The following SCAF4 variants were observed in gnomAD, a reference collection of about 807,000 sequenced individuals.
SCAF4 encodes the protein SR-related and CTD-associated factor 4.
Under a neutral mutation model 129.8 loss-of-function variants are expected in SCAF4, and 25 were observed. The observed-to-expected ratio is 0.19, with a 90% CI of 0.14 to 0.27. The LOEUF is 0.27. Ranked by LOEUF, SCAF4 falls within the 10% of genes least tolerant of loss-of-function variation. The pLI is 1.00. For synonymous variants in SCAF4, 551 were observed against 497.7 expected, an observed-to-expected ratio of 1.11 and a Z score of -1.43; for missense variants, 1,246 against 1,457.1, an observed-to-expected ratio of 0.86 and a Z score of 2.36.
chr21:31,706,176 G>A, intron 2 of SCAF4, 98 bp downstream of exon 2: 2 of 782,356 alleles, frequency 2.6e-6, no homozygotes, highest in East Asian at 2.7e-5. Flanking sequence ...TTTGATTTAG[G>A]CCTGAACTAA....
intron 10 of SCAF4, 61 bp downstream of exon 10, chr21:31,694,751 GA>G: frequency 6.7e-7 from 1 of 1,492,810 alleles, no homozygotes; most frequent in South Asian, 1.1e-5. Flanking sequence ...CAAATAAGGA[GA>G]AATCTGCATA....
Position 31,731,594 on chromosome 21 carries a change from G to C in SCAF4, c.30+69C>G, listed in dbSNP as rs2051360672. On this transcript the variant is annotated intron_variant, in intron 1 of 19. Coordinates refer to ENST00000286835, the MANE Select transcript of SCAF4 (RefSeq NM_020706.2). Reference sequence around the variant, plus strand: ...ACCCGGACCAAAGCTTTAAACCTCCGGCGGCGGGAGAAACGAGCCCCGGCT... The same window carrying C: ...ACCCGGACCAAAGCTTTAAACCTCCCGCGGCGGGAGAAACGAGCCCCGGCT... The C allele has an allele frequency of 3.2e-6, 5 of 1,543,406 alleles. No homozygotes were observed. In the South Asian group the frequency reaches 5.7e-5, roughly 17 times the overall value.
chr21:31,686,779 CAT>C (rs1018078027), intron 16 of SCAF4, among the ~76,000 whole-genome samples: 3 of 152,134 alleles, frequency 2.0e-5, no homozygotes, highest in Admixed American at 6.5e-5. Flanking sequence ...GTGAAATGCA[CAT>C]GTCAGGGATC....
intron 1 of SCAF4, among the ~76,000 whole-genome samples, chr21:31,722,692 A>C (rs1224626040): frequency 6.6e-6 from 1 of 152,042 alleles, no homozygotes; most frequent in African/African-American, 2.4e-5. Flanking sequence ...GTGGTGGCTC[A>C]CGCCTGTAAT....
chr21:31,686,636 C>T (rs1010892923), intron 16 of SCAF4, among the ~76,000 whole-genome samples: 15 of 152,026 alleles, frequency 9.9e-5, no homozygotes, highest in Non-Finnish European at 1.8e-4. Flanking sequence ...CCCCCAGCCA[C>T]GGACCATTAC....
At chr21:31,687,250 T>C (rs1204267138) in intron 16 of SCAF4, among the ~76,000 whole-genome samples, 6 of 152,190 alleles carry the variant, frequency 3.9e-5, no homozygotes. Context: ...TTCTTATAAT[T>C]TTCAAAGGGT....
chr21:31,704,963 T>C (rs2123600072), intron 3 of SCAF4, among the ~76,000 whole-genome samples: 1 of 152,330 alleles, frequency 6.6e-6, no homozygotes, highest in Non-Finnish European at 1.5e-5. Context: ...GATGTCTCAG[T>C]CTCTGTTTTC....
intron 1 of SCAF4, among the ~76,000 whole-genome samples, chr21:31,714,618 T>A (rs1048031473): frequency 3.9e-5 from 6 of 152,204 alleles, no homozygotes; most frequent in African/African-American, 1.4e-4. Flanking sequence ...AACGAGGGTA[T>A]CTGGCCTGTG....
At chr21:31,706,477 G>GA (rs1177396036) in intron 1 of SCAF4, 120 bp from the exon 2 acceptor site, 3 of 670,848 alleles carry the variant, frequency 4.5e-6, no homozygotes, top group East Asian at 5.5e-5. Context: ...GTGGTGAGGG[G>GA]GGTCTTAGCA....
Position 31,691,766 on chromosome 21 carries a change from C to A in SCAF4, c.1728+51G>T, listed in dbSNP as rs752980378. The A allele has an allele frequency of 2.3e-6, 2 of 858,728 alleles. No homozygotes were observed. Among genetic ancestry groups the A allele is most frequent in the Non-Finnish European group, 3.5e-6 (2 of 577,824 alleles). The allele number at this position is 858,728 out of a possible 1,614,324, so 53.2% of individuals were successfully genotyped here. A position where few individuals can be genotyped will look rare whatever the true frequency, so the allele number is the denominator to read the frequency against. The stretch of plus-strand genomic sequence containing the variant: ...TAGTTTTTATATGCCACATATTTTT[C>A]CCCTTCTGCCTATTTAAAAAAAAAA... On this transcript the variant is annotated intron_variant, in intron 14 of 19. Transcript: ENST00000286835.
chr21:31,677,540 G>C (rs759138276), intron 19 of SCAF4, among the ~76,000 whole-genome samples: 1 of 152,032 alleles, frequency 6.6e-6, no homozygotes, highest in African/African-American at 2.4e-5. Context: ...TCCAATGAAA[G>C]CACTTTTCTC....
intron 16 of SCAF4, among the ~76,000 whole-genome samples, chr21:31,688,031 G>A (rs1343348202): frequency 7.1e-6 from 1 of 140,512 alleles, no homozygotes; most frequent in East Asian, 2.2e-4. Context: ...CAAGAGGGTC[G>A]GCTTGAATCT....
Position 31,706,724 on chromosome 21 carries a change from A to C in SCAF4, c.31-367T>G, listed in dbSNP as rs1352525992. The C allele has an allele frequency of 8.7e-6, 2 of 230,696 alleles. 1 individual carries two copies. Among genetic ancestry groups the C allele is most frequent in the Non-Finnish European group, 1.7e-5 (2 of 115,096 alleles). The allele number at this position is 230,696 out of a possible 1,614,324, so 14.3% of individuals were successfully genotyped here. ...AATCCTTAGACAAAGATGTGCAAAC[A>C]AAAGGGAAAGGGAGGGGGAGCAAAG... On this transcript the variant is annotated intron_variant, in intron 1 of 19. Coordinates refer to ENST00000286835, the MANE Select transcript of SCAF4 (RefSeq NM_020706.2).
At chr21:31,676,680 G>C (rs2049864091) in intron 19 of SCAF4, among the ~76,000 whole-genome samples, 1 of 152,098 alleles carries the variant, frequency 6.6e-6, no homozygotes, top group African/African-American at 2.4e-5. Flanking sequence ...TAGTTGTTTT[G>C]TTTGGTAATT....
intron 19 of SCAF4, among the ~76,000 whole-genome samples, chr21:31,683,055 T>C (rs2050032316): frequency 6.6e-6 from 1 of 152,240 alleles, no homozygotes; most frequent in Admixed American, 6.5e-5. Flanking sequence ...ACAAAATTGT[T>C]TTCACTTTTC....
rs531053001 is a variant in SCAF4, at chr21:31,727,897, A to G, written c.30+3766T>C. 3.8e-4 allele frequency among the ~76,000 whole-genome samples: 57 copies of G among 148,068 alleles called. 1 individual carries two copies. Among genetic ancestry groups the G allele is most frequent in the Middle Eastern group, 3.4e-3 (1 of 292 alleles). On this transcript the variant is annotated intron_variant, in intron 1 of 19. Coordinates refer to ENST00000286835, the MANE Select transcript of SCAF4 (RefSeq NM_020706.2). ...CAACAGACACCATTAAGTATTAGCC[A>G]TAATTGATAACTGATACTTTTTCAC...
rs772202594 is a variant in SCAF4, at chr21:31,671,515, C to G, written c.3328G>C (p.Glu1110Gln). 3 of 1,614,082 alleles carry G rather than the reference C, an allele frequency of 1.9e-6. No individual in the cohort carries two copies. The highest frequency in any genetic ancestry group is 1.3e-5 in the African/African-American group (1 of 74,936). Residue 1110 changes from glutamate to glutamine, a missense_variant, in exon 20 of 20, where the codon GAG becomes CAG. Coordinates refer to ENST00000286835, the MANE Select transcript of SCAF4 (RefSeq NM_020706.2). ...ACTGCAGCCTCAGACACCCCCTTCT[C>G]AAGTTCTGAAGCAGTGTCTACATTT... ...VGNVDTASEL[E>Q]KGVSEAAVLK...
intron 7 of SCAF4, chr21:31,700,760 C>G (rs1239107204): frequency 2.9e-5 from 5 of 171,604 alleles, no homozygotes; most frequent in East Asian, 1.2e-4. Context: ...TTTTTTTTCA[C>G]TTTTTTAATT....
At chr21:31,698,028 C>G (rs1454179664) in intron 7 of SCAF4, among the ~76,000 whole-genome samples, 1 of 152,130 alleles carries the variant, frequency 6.6e-6, no homozygotes, top group African/African-American at 2.4e-5. Flanking sequence ...ACAGGACAGT[C>G]TGTAAGTAAT....
Sources: allele counts gnomAD v4.1 joint callset (sites outside exome capture counted in the v4.1 genomes callset), GRCh38; gene constraint gnomAD v4.1.1; transcripts MANE v1.5; gene names NCBI Gene and HGNC (gene_info 2026-07-23, HGNC 2026-07-21).